The following LAMC1 variants were observed in gnomAD, a reference collection of about 807,000 sequenced individuals.
LAMC1 encodes laminin subunit gamma-1.
Under a neutral mutation model 173.6 loss-of-function variants are expected in LAMC1, and 38 were observed. The ratio of observed to expected loss-of-function variants is 0.22; its 90% CI spans 0.17 to 0.29. LAMC1 has a LOEUF of 0.29. Among genes scored for constraint, LAMC1 ranks in the 10% least tolerant of loss-of-function variants. The pLI is 1.00. For synonymous variants in LAMC1, 746 were observed against 749.1 expected, an observed-to-expected ratio of 1.00 and a Z score of 0.07; for missense variants, 1,824 against 2,051.8, an observed-to-expected ratio of 0.89 and a Z score of 2.14.
chr1:183,024,229 G>A (rs954150358), intron 1 of LAMC1, 95 bp downstream of exon 1: 3 of 1,254,894 alleles, frequency 2.4e-6, no homozygotes. Flanking sequence ...GGGCGCAGAC[G>A]GCCGCGTGTT....
intron 6 of LAMC1, 68 bp downstream of exon 6, chr1:183,115,705 T>G: frequency 2.0e-6 from 2 of 1,020,328 alleles, no homozygotes; most frequent in Non-Finnish European, 3.1e-6. Flanking sequence ...TTAATAGATC[T>G]TATGGCTTAT....
At chr1:183,040,161 T>G (rs1366260317) in intron 1 of LAMC1, among the ~76,000 whole-genome samples, 2 of 152,230 alleles carry the variant, frequency 1.3e-5, no homozygotes, top group Non-Finnish European at 2.9e-5. Context: ...AGAGAACTTG[T>G]GTTTGAAATT....
intron 1 of LAMC1, among the ~76,000 whole-genome samples, chr1:183,029,189 C>A (rs924415397): frequency 6.6e-6 from 1 of 152,188 alleles, no homozygotes; most frequent in Non-Finnish European, 1.5e-5. Flanking sequence ...TCCCACCAAT[C>A]GTTACTATAA....
At chr1:183,106,263 T>C (rs1296054737) in intron 2 of LAMC1, among the ~76,000 whole-genome samples, 1 of 152,242 alleles carries the variant, frequency 6.6e-6, no homozygotes, top group Non-Finnish European at 1.5e-5. Flanking sequence ...GTCGAAGCCT[T>C]GTAGAAGATA....
intron 17 of LAMC1, 106 bp downstream of exon 17, chr1:183,127,510 C>T: frequency 1.1e-6 from 1 of 938,522 alleles, no homozygotes; most frequent in Non-Finnish European, 1.6e-6. Flanking sequence ...TAGATGTGGT[C>T]CCTGTTCTTA....
At chr1:183,102,856 A>G (rs1353177583) in intron 1 of LAMC1, among the ~76,000 whole-genome samples, 1 of 152,198 alleles carries the variant, frequency 6.6e-6, no homozygotes, top group African/African-American at 2.4e-5. Flanking sequence ...AGAGCTGATG[A>G]TATTCTTTCT....
At chr1:183,107,178 C>T (rs976318256) in intron 2 of LAMC1, among the ~76,000 whole-genome samples, 3 of 152,314 alleles carry the variant, frequency 2.0e-5, no homozygotes, top group African/African-American at 7.2e-5. Flanking sequence ...CATTCATTCA[C>T]TTAGCAAATA....
Position 183,036,634 on chromosome 1 carries a change from G to A in LAMC1, c.418+12500G>A, listed in dbSNP as rs557834428. ...GCCAGGCTCCGACCTCAAGTGATCCGCCCGCCTCGGCTTCCCAAAGTGCTG... is the reference window on the plus strand; with the variant it reads ...GCCAGGCTCCGACCTCAAGTGATCCACCCGCCTCGGCTTCCCAAAGTGCTG... On this transcript the variant is annotated intron_variant, in intron 1 of 27. Coordinates refer to ENST00000258341, the MANE Select transcript of LAMC1 (RefSeq NM_002293.4). Among the ~76,000 whole-genome samples, 384 of 151,084 alleles carry A rather than the reference G, an allele frequency of 2.5e-3. 4 individuals are homozygous for A. The highest frequency in any genetic ancestry group is 8.0e-3 in the African/African-American group (329 of 41,204).
At chr1:183,050,931 C>T (rs572409073) in intron 1 of LAMC1, among the ~76,000 whole-genome samples, 87 of 148,550 alleles carry the variant, frequency 5.9e-4, no homozygotes, top group Non-Finnish European at 1.1e-3. Flanking sequence ...AATTAAAAGA[C>T]GTGGATATTT....
At position 183,130,536 on chromosome 1, in the gene LAMC1, C is replaced by T. The variant is rs766220152; in HGVS notation, c.3473C>T (p.Ala1158Val). The T allele has an allele frequency of 6.2e-7, 1 of 1,614,112 alleles. No individual in the cohort carries two copies. The highest frequency in any genetic ancestry group is 8.5e-7 in the Non-Finnish European group (1 of 1,179,964). ...ASRELEKAKV[A>V]AANVSVTQPE... The stretch of plus-strand genomic sequence containing the variant: ...AGAGAACTTGAGAAAGCAAAAGTCG[C>T]TGCTGCCAATGTGGTAAGTGATTGC... The change falls in exon 19 of 28, where the codon GCT becomes GTT. Residue 1158 changes from alanine (A) to valine (V), a missense_variant. Physicochemically the swap from Ala to Val is moderately conservative, Grantham distance 64. Coordinates refer to ENST00000258341, the MANE Select transcript of LAMC1 (RefSeq NM_002293.4).
intron 1 of LAMC1, among the ~76,000 whole-genome samples, chr1:183,069,968 G>C (rs898062059): frequency 1.3e-5 from 2 of 152,158 alleles, no homozygotes; most frequent in East Asian, 1.9e-4. Flanking sequence ...GAATGGCCCG[G>C]TTGAATAATT....
At position 183,103,408 on chromosome 1, in the gene LAMC1, C is replaced by G; in HGVS notation, c.499C>G (p.Arg167Gly). The stretch of plus-strand genomic sequence containing the variant: ...GAGCTTTGCCATTTACAAGCGCACA[C>G]GGGAAGACGGGCCCTGGATTCCTTA... ...PESFAIYKRTREDGPWIPYQY... is the reference protein window; with the variant it reads ...PESFAIYKRTGEDGPWIPYQY... Residue 167 changes from arginine (R) to glycine (G), a missense_variant, in exon 2 of 28, where the codon CGG (arginine) becomes GGG (glycine). Physicochemically the swap from Arg to Gly is moderately radical, Grantham distance 125. Transcript: ENST00000258341. 6.2e-7 allele frequency: 1 copy of G among 1,614,170 alleles called. No individual in the cohort carries two copies.
At position 183,023,955 on chromosome 1, in the gene LAMC1, C is replaced by T; in HGVS notation, c.239C>T (p.Thr80Ile). 6.2e-7 allele frequency: 1 copy of T among 1,613,250 alleles called. No homozygotes were observed. Among genetic ancestry groups the T allele is most frequent in the Non-Finnish European group, 8.5e-7 (1 of 1,179,954 alleles). The change falls in exon 1 of 28, where the codon ACC (threonine) becomes ATC (isoleucine). Residue 80 changes from threonine (T) to isoleucine (I), a missense_variant. Physicochemically the swap from Thr to Ile is moderately conservative, Grantham distance 89. Coordinates refer to ENST00000258341, the MANE Select transcript of LAMC1 (RefSeq NM_002293.4). Reference sequence around the variant, plus strand: ...CCGCCCGAGGAATACTGTGTGCAGACCGGGGTGACCGGGGTCACCAAGTCC... The same window carrying T: ...CCGCCCGAGGAATACTGTGTGCAGATCGGGGTGACCGGGGTCACCAAGTCC... The part of the protein sequence containing the change: ...GTPPEEYCVQ[T>I]GVTGVTKSCH...
At chr1:183,059,295 G>A (rs10797828) in intron 1 of LAMC1, among the ~76,000 whole-genome samples, 51,485 of 152,116 alleles carry the variant, frequency 0.34, 9,776 homozygotes, top group East Asian at 0.49. Context: ...ATTGATGGAT[G>A]GGTTATTAAT....
At chr1:183,130,302 T>C in intron 18 of LAMC1, 42 bp from the exon 19 acceptor site, 1 of 1,510,046 alleles carries the variant, frequency 6.6e-7, no homozygotes, top group South Asian at 1.1e-5. Flanking sequence ...GATATGATCC[T>C]CTTCAGATAA....
At chr1:183,121,181 G>A (rs372149128) in intron 11 of LAMC1, among the ~76,000 whole-genome samples, 1 of 152,082 alleles carries the variant, frequency 6.6e-6, no homozygotes, top group African/African-American at 2.4e-5. Flanking sequence ...CACTTTGGGA[G>A]GCCAAGGTGG....
At chr1:183,050,039 C>T (rs932121246) in intron 1 of LAMC1, among the ~76,000 whole-genome samples, 4 of 152,068 alleles carry the variant, frequency 2.6e-5, no homozygotes, top group Non-Finnish European at 2.9e-5. Flanking sequence ...ATGTCGTTCC[C>T]ACTCAAGGTA....
At chr1:183,131,216 A>G in intron 19 of LAMC1, 83 bp from the exon 20 acceptor site, 1 of 1,004,218 alleles carries the variant, frequency 1.0e-6, no homozygotes, top group South Asian at 1.4e-5. Context: ...TTTGCCCTCT[A>G]ACAAAAATTT....
chr1:183,025,261 A>G lies in LAMC1; in HGVS notation c.418+1127A>G, dbSNP rs76395657. Among the ~76,000 whole-genome samples the G allele has an allele frequency of 2.6e-5, 4 of 152,300 alleles. No homozygotes were observed. The South Asian group carries it at 6.2e-4, about 24-fold the overall frequency. Reference sequence around the variant, plus strand: ...ATGTTGTAGGCAAATGGTTCTTTTGATCATGATTTTGCTGCTCTCCGGTAC... The same window carrying G: ...ATGTTGTAGGCAAATGGTTCTTTTGGTCATGATTTTGCTGCTCTCCGGTAC... On this transcript the variant is annotated intron_variant, in intron 1 of 27. Transcript: ENST00000258341.
Sources: allele counts gnomAD v4.1 joint callset (sites outside exome capture counted in the v4.1 genomes callset), GRCh38; gene constraint gnomAD v4.1.1; transcripts MANE v1.5; gene names NCBI Gene and HGNC (gene_info 2026-07-23, HGNC 2026-07-21).